The following RBFOX1 variants were observed in gnomAD, a reference collection of about 807,000 sequenced individuals.
RBFOX1 encodes RNA binding protein fox-1 homolog 1.
Under a neutral mutation model 57.7 loss-of-function variants are expected in RBFOX1, and 8 were observed. The ratio of observed to expected loss-of-function variants is 0.14; its 90% confidence interval spans 0.08 to 0.25. The LOEUF is 0.25. Among genes scored for constraint, RBFOX1 ranks in the 10% least tolerant of loss-of-function variants. The pLI, the probability that RBFOX1 is intolerant of heterozygous loss-of-function variation, is 1.00. For synonymous variants in RBFOX1, 326 were observed against 222.4 expected (o/e 1.47, Z -4.15); for missense variants, 611 against 548.5 (o/e 1.11, Z -1.14).
At chr16:7,664,812 T>C in intron 12 of RBFOX1, 117 bp from the exon 13 acceptor site, 1 of 1,582,014 alleles carries the variant, frequency 6.3e-7, no homozygotes, top group Non-Finnish European at 8.7e-7. Context: ...AAAACGATCC[T>C]CGGTTCCTGT....
intron 3 of RBFOX1, among the ~76,000 whole-genome samples, chr16:6,902,404 A>T (rs1350392570): frequency 2.0e-5 from 3 of 152,184 alleles, no homozygotes; most frequent in Non-Finnish European, 4.4e-5. Flanking sequence ...AAAGTCTTCC[A>T]GGCCATACTC....
At chr16:6,001,319 T>C (rs1258467632) in intron 4 of RBFOX1, among the ~76,000 whole-genome samples, 2 of 152,188 alleles carry the variant, frequency 1.3e-5, no homozygotes, top group Non-Finnish European at 2.9e-5. Context: ...TAAGAGTTAC[T>C]GGCATAAAGA....
intron 5 of RBFOX1, among the ~76,000 whole-genome samples, chr16:7,540,134 T>C (rs2082538147): frequency 1.3e-5 from 2 of 152,332 alleles, no homozygotes; most frequent in South Asian, 2.1e-4. Context: ...AACCCCCGTC[T>C]CCTCCTTTCA....
intron 2 of RBFOX1, among the ~76,000 whole-genome samples, chr16:6,565,834 A>T (rs1475201742): frequency 3.3e-5 from 5 of 152,230 alleles, no homozygotes; most frequent in African/African-American, 7.2e-5. Flanking sequence ...ATTAGCAGCT[A>T]TGTGAGGCTA....
intron 1 of RBFOX1, among the ~76,000 whole-genome samples, chr16:6,187,051 G>A (rs2097109735): frequency 6.6e-6 from 1 of 152,138 alleles, no homozygotes; most frequent in Admixed American, 6.5e-5. Context: ...CATTTGGCAT[G>A]TTTTTGAGCA....
At chr16:6,693,365 TCAA>T (rs1042081759) in intron 3 of RBFOX1, among the ~76,000 whole-genome samples, 10 of 150,642 alleles carry the variant, frequency 6.6e-5, no homozygotes, top group African/African-American at 1.7e-4. Context: ...GCCATCATCA[TCAA>T]CATCATCCTA....
chr16:6,203,549 A>G (rs2152834167), intron 1 of RBFOX1, among the ~76,000 whole-genome samples: 1 of 152,320 alleles, frequency 6.6e-6, no homozygotes, highest in Middle Eastern at 3.4e-3. Context: ...ATGAACATGG[A>G]AATGCATATA....
Position 6,762,361 on chromosome 16 carries a change from C to G in RBFOX1, c.-16+107711C>G, listed in dbSNP as rs538424647. ...TTGGCTTTTTCAAAGTAATTTTTAG[C>G]AACCCTTACTAGTGCACTTAGAAGG... On this transcript the variant is annotated intron_variant, in intron 3 of 15. Coordinates refer to ENST00000550418, the MANE Select transcript of RBFOX1 (RefSeq NM_018723.4). Among the ~76,000 whole-genome samples the G allele has an allele frequency of 2.6e-5, 4 of 152,200 alleles. No individual in the cohort carries two copies. The South Asian group carries it at 8.3e-4, about 32-fold the overall frequency.
intron 4 of RBFOX1, among the ~76,000 whole-genome samples, chr16:7,400,087 C>G (rs2098215618): frequency 6.6e-6 from 1 of 152,130 alleles, no homozygotes; most frequent in African/African-American, 2.4e-5. Context: ...GACCATTTTT[C>G]TTAGTCACCC....
chr16:7,418,703 A>G (rs1433516662), intron 4 of RBFOX1, among the ~76,000 whole-genome samples: 1 of 152,210 alleles, frequency 6.6e-6, no homozygotes, highest in African/African-American at 2.4e-5. Context: ...AAAAAAATTG[A>G]TGCTATCTGC....
chr16:6,448,348 G>A (rs186357881), intron 2 of RBFOX1, among the ~76,000 whole-genome samples: 2,289 of 148,694 alleles, frequency 0.015, 54 homozygotes, highest in African/African-American at 0.053. Context: ...TAATAGAGGC[G>A]GGGCTTCACC....
At chr16:6,758,086 C>G (rs2076079424) in intron 3 of RBFOX1, among the ~76,000 whole-genome samples, 1 of 152,102 alleles carries the variant, frequency 6.6e-6, no homozygotes, top group Non-Finnish European at 1.5e-5. Context: ...GATCAGGACA[C>G]AGAAAGTTAA....
At chr16:5,416,610 C>A (rs977075433) in intron 1 of RBFOX1, among the ~76,000 whole-genome samples, 1 of 151,940 alleles carries the variant, frequency 6.6e-6, no homozygotes, top group African/African-American at 2.4e-5. Flanking sequence ...GATCTCACTG[C>A]ATTTTCTTCT....
At chr16:5,336,953 C>T (rs1474281089) in intron 1 of RBFOX1, among the ~76,000 whole-genome samples, 1 of 152,218 alleles carries the variant, frequency 6.6e-6, no homozygotes, top group African/African-American at 2.4e-5. Flanking sequence ...TCTGACAGCC[C>T]TAAGTACCTT....
chr16:7,481,068 C>G (rs1004086107), intron 4 of RBFOX1, among the ~76,000 whole-genome samples: 4 of 152,162 alleles, frequency 2.6e-5, no homozygotes, highest in African/African-American at 7.2e-5. Flanking sequence ...AATTCTAGCT[C>G]TTCCTATTGC....
intron 1 of RBFOX1, among the ~76,000 whole-genome samples, chr16:6,117,727 C>T (rs978746077): frequency 9.9e-5 from 15 of 152,210 alleles, no homozygotes; most frequent in African/African-American, 3.6e-4. Flanking sequence ...TTATAAATTG[C>T]CCATTCTCAG....
chr16:6,295,599 C>T (rs982916628), intron 1 of RBFOX1, among the ~76,000 whole-genome samples: 1 of 152,216 alleles, frequency 6.6e-6, no homozygotes, highest in Non-Finnish European at 1.5e-5. Context: ...GTAGCTTCTA[C>T]ATCCCTAAAA....
chr16:7,039,547 C>T (rs1233835985), intron 3 of RBFOX1, among the ~76,000 whole-genome samples: 2 of 152,138 alleles, frequency 1.3e-5, no homozygotes, highest in African/African-American at 4.8e-5. Flanking sequence ...TTTCTCACCT[C>T]CTTTCCTGAA....
At chr16:5,509,915 G>T (rs963016563) in intron 2 of RBFOX1, among the ~76,000 whole-genome samples, 3 of 152,200 alleles carry the variant, frequency 2.0e-5, no homozygotes, top group Admixed American at 2.0e-4. Flanking sequence ...AAGAGAGTTT[G>T]CTTGTCCTTG....
Sources: gnomAD v4.1 joint callset for allele counts (sites outside exome capture counted in the v4.1 genomes callset) on GRCh38, gnomAD v4.1.1 for gene constraint, MANE v1.5 for transcripts, NCBI Gene and HGNC (gene_info 2026-07-23, HGNC 2026-07-21) for gene names.